GBGT1: variants seen among roughly 807,000 people sequenced by gnomAD.
GBGT1 encodes globoside alpha-1,3-N-acetylgalactosaminyltransferase 1 (FORS blood group).
Under a neutral mutation model 20.9 loss-of-function variants are expected in GBGT1, and 18 were observed. The observed-to-expected ratio is 0.86, with a 90% CI of 0.60 to 1.28. The LOEUF is 1.28. GBGT1 is among the 50% of genes most tolerant of loss of function. GBGT1 has a pLI of 0.00. For missense variants in GBGT1, 432 were observed against 455.7 expected (o/e 0.95, Z 0.47); for synonymous variants, 168 against 180.8 (o/e 0.93, Z 0.57).
intron 5 of GBGT1, 81 bp from the exon 6 acceptor site, chr9:133,155,393 T>C (rs780079665): frequency 1.3e-6 from 2 of 1,556,934 alleles, no homozygotes; most frequent in East Asian, 4.6e-5. Flanking sequence ...TCTCACACTG[T>C]GTGACCCGGG....
Position 133,161,036 on chromosome 9 carries a change from G to A in GBGT1, c.137+431C>T, listed in dbSNP as rs111245773. 5.4e-3 allele frequency: 2,119 copies of A among 391,212 alleles called. 15 individuals are homozygous for A. The highest frequency in any genetic ancestry group is 0.02 in the Middle Eastern group (31 of 1,544). 24.2% of individuals were successfully genotyped at this position (391,212 alleles called of 1,614,324 possible). ...AGAAAAAAAAAAAAAAGACTCCTTA[G>A]TTGAGGAGGACTTTGGTCACATGTT... is the stretch of plus-strand genomic sequence containing the variant. On this transcript the variant is annotated intron_variant, in intron 3 of 6. Coordinates refer to ENST00000372040, the MANE Select transcript of GBGT1 (RefSeq NM_021996.6).
At position 133,154,967 on chromosome 9, in the gene GBGT1, C is replaced by G. The variant is rs1832825831; in HGVS notation, c.359+211G>C. The G allele has an allele frequency of 1.8e-6, 1 of 541,726 alleles. No individual in the cohort carries two copies. Among genetic ancestry groups the G allele is most frequent in the Non-Finnish European group, 3.3e-6 (1 of 304,318 alleles). 33.6% of individuals were successfully genotyped at this position (541,726 alleles called of 1,614,324 possible). The stretch of plus-strand genomic sequence containing the variant: ...CTGTCCCCTCACCTGGACTCTGCAT[C>G]CTGTCTATGCTAGAGCCAGATCCCC... On this transcript the variant is annotated intron_variant, in intron 6 of 6. Transcript: ENST00000372040. The surrounding 1 kb of genome is among the most constrained non-coding windows in gnomAD (Gnocchi z 4.2).
At position 133,154,181 on chromosome 9, in the gene GBGT1, A is replaced by G. The variant is rs1383298253; in HGVS notation, c.440T>C (p.Phe147Ser). 4 of 1,588,372 alleles carry G rather than the reference A, an allele frequency of 2.5e-6. No homozygotes were observed. The highest frequency in any genetic ancestry group is 1.3e-5 in the African/African-American group (1 of 74,482). The change falls in exon 7 of 7, where the codon TTC (phenylalanine) becomes TCC (serine). Residue 147 changes from phenylalanine (F) to serine (S), a missense_variant. Coordinates refer to ENST00000372040, the MANE Select transcript of GBGT1 (RefSeq NM_021996.6). The surrounding 1 kb of genome is among the most constrained non-coding windows in gnomAD (Gnocchi z 4.2). ...GGGAACGGCTGCAGGGTTGTCAGTG[A>G]AGATGTAGTAGTGCACCCGGTACCC... is the stretch of plus-strand genomic sequence containing the variant. ...MRGYRVHYYI[F>S]TDNPAAVPGV... is the part of the protein sequence containing the mutation.
chr9:133,160,101 C>A, intron 3 of GBGT1: 1 of 301,802 alleles, frequency 3.3e-6, no homozygotes, highest in Admixed American at 3.5e-5. Context: ...ACCAACCTGG[C>A]CAACATGATG....
chr9:133,156,293 G>A (rs920309708), intron 3 of GBGT1, among the ~76,000 whole-genome samples: 13 of 152,166 alleles, frequency 8.5e-5, no homozygotes, highest in Non-Finnish European at 1.6e-4. Flanking sequence ...GCAGTGATTC[G>A]AACCCAGTGC....
rs1832837716 is a variant in GBGT1, at chr9:133,155,268, AC to A, written c.268del (p.Val90SerfsTer18). 6.2e-7 allele frequency: 1 copy of A among 1,613,748 alleles called. No homozygotes were observed. ...CTCTGGGTTGAAGGTTCCCTCGGAG[AC>A]GATGGGCGCCAACCAGGGTGTGAGT... Reference protein sequence around the residue: ...LTLTPWLAPIVSEGTFNPELL... With the variant: ...LTLTPWLAPIXSEGTFNPELL... On this transcript the variant is annotated frameshift_variant, in exon 6 of 7. Coordinates refer to ENST00000372040, the MANE Select transcript of GBGT1 (RefSeq NM_021996.6). LOFTEE classifies it high-confidence loss of function.
intron 3 of GBGT1, 112 bp downstream of exon 3, chr9:133,161,355 T>C (rs1833036270): frequency 1.6e-6 from 1 of 620,156 alleles, no homozygotes; most frequent in East Asian, 2.8e-5. Flanking sequence ...ATCAGAAACA[T>C]GAACTTAGGA....
chr9:133,159,533 C>T (rs1442709692), intron 3 of GBGT1, among the ~76,000 whole-genome samples: 1 of 152,236 alleles, frequency 6.6e-6, no homozygotes. Flanking sequence ...TGTGGTGGCT[C>T]ATGCCCGCAA....
intron 3 of GBGT1, among the ~76,000 whole-genome samples, chr9:133,157,972 C>A (rs1393638235): frequency 3.3e-5 from 5 of 152,088 alleles, no homozygotes; most frequent in Non-Finnish European, 7.3e-5. Flanking sequence ...TGGTGAAACC[C>A]CATTTCTACT....
rs1358066023 is a variant in GBGT1 at position 133,154,218 on chromosome 9, A to G, written c.403T>C (p.Phe135Leu). The change falls in exon 7 of 7, where the codon TTC becomes CTC. Residue 135 changes from phenylalanine (F) to leucine (L), a missense_variant. Transcript: ENST00000372040. The surrounding 1 kb of genome is among the most constrained non-coding windows in gnomAD (Gnocchi z 4.2). ...TGCACCCGGTACCCACGCATGAAGA[A>G]CTCCTCGGCTGACTCCAGGAAGGAC... ...IQSFLESAEE[F>L]FMRGYRVHYY... The G allele has an allele frequency of 8.4e-6, 13 of 1,542,348 alleles. No individual in the cohort carries two copies. The highest frequency in any genetic ancestry group is 3.5e-4 in the Middle Eastern group (2 of 5,714).
At position 133,155,401 on chromosome 9, in the gene GBGT1, G is replaced by A. The variant is rs895676939; in HGVS notation, c.225-89C>T. On this transcript the variant is annotated intron_variant, in intron 5 of 6. Transcript: ENST00000372040. ...CCCTGGCTCTCACACTGTGTGACCC[G>A]GGGCAGCTTCGTCCCCATCTCTGGG... 49 of 1,507,672 alleles carry A rather than the reference G, an allele frequency of 3.3e-5. No individual in the cohort carries two copies. In the Middle Eastern group the frequency reaches 6.6e-4, roughly 20 times the overall value. The allele number at this position is 1,507,672 out of a possible 1,614,324, so 93.4% of individuals were successfully genotyped here.
Position 133,162,406 on chromosome 9 carries a change from G to T in GBGT1, c.7C>A (p.Arg3Ser), listed in dbSNP as rs140076798. The change falls in exon 2 of 7, where the codon CGC (arginine) becomes AGC (serine). Residue 3 changes from arginine to serine, a missense_variant. By Grantham distance (110) the Arg-to-Ser change is moderately radical. Coordinates refer to ENST00000372040, the MANE Select transcript of GBGT1 (RefSeq NM_021996.6). MHRRRLALGLGFC... is the reference protein window; with the variant it reads MHSRRLALGLGFC... ...CCCAGACCCAGGGCCAGTCTCCGGC[G>T]ATGCATTGCTGGGGGCTGCACCTGA... is the stretch of plus-strand genomic sequence containing the variant. The T allele has an allele frequency of 1.9e-4, 298 of 1,605,754 alleles. No individual in the cohort carries two copies. Among genetic ancestry groups the T allele is most frequent in the Admixed American group, 3.6e-4 (21 of 58,816 alleles).
In GBGT1 at chr9:133,161,504, A is replaced by G. The variant is rs1833040840; in HGVS notation, c.100T>C (p.Ser34Pro). The part of the protein sequence containing the change: ...WVYLENWLPV[S>P]YVPYYLPCPE... ...CAGGGGAGATAATAGGGGACATAGG[A>G]GACTGGCAGCCAGTTCTCAAGATAC... The change falls in exon 3 of 7, where the codon TCC becomes CCC. Residue 34 changes from serine to proline, a missense_variant. Coordinates refer to ENST00000372040, the MANE Select transcript of GBGT1 (RefSeq NM_021996.6). The G allele has an allele frequency of 6.2e-7, 1 of 1,611,126 alleles. No individual in the cohort carries two copies. The highest frequency in any genetic ancestry group is 1.3e-5 in the African/African-American group (1 of 74,810).
intron 3 of GBGT1, among the ~76,000 whole-genome samples, chr9:133,159,366 C>G (rs1404870714): frequency 6.6e-6 from 1 of 152,212 alleles, no homozygotes; most frequent in Non-Finnish European, 1.5e-5. Flanking sequence ...GCTCAGAAAG[C>G]CCTGGGATTC....
At position 133,154,286 on chromosome 9, in the gene GBGT1, A is replaced by T; in HGVS notation, c.360-25T>A. On this transcript the variant is annotated intron_variant, in intron 6 of 6. Transcript: ENST00000372040. The surrounding 1 kb of genome is among the most constrained non-coding windows in gnomAD (Gnocchi z 4.2). ...CCTAGTGATGATCACCCGGTCACCC[A>T]CTGCTACACCAGCAGCCTGCCAGGG... 7.0e-7 allele frequency: 1 copy of T among 1,430,038 alleles called. No individual in the cohort carries two copies. The highest frequency in any genetic ancestry group is 9.4e-7 in the Non-Finnish European group (1 of 1,060,556). The allele number at this position is 1,430,038 out of a possible 1,614,324, so 88.6% of individuals were successfully genotyped here.
chr9:133,156,472 C>T (rs968177082), intron 3 of GBGT1, among the ~76,000 whole-genome samples: 6 of 151,968 alleles, frequency 3.9e-5, no homozygotes, highest in African/African-American at 1.5e-4. Context: ...CCAGCCTGGC[C>T]AAGATGGTGA....
rs1250574280 is a variant in GBGT1 at position 133,154,165 on chromosome 9, T to A, written c.456A>T (p.Ala152=). The change falls in exon 7 of 7, where the codon GCA becomes GCT. Residue 152 remains alanine (A), a synonymous_variant. Coordinates refer to ENST00000372040, the MANE Select transcript of GBGT1 (RefSeq NM_021996.6). The surrounding 1 kb of genome is among the most constrained non-coding windows in gnomAD (Gnocchi z 4.2). ...VHYYIFTDNP[A]AVPGVPLGPH... is the part of the protein sequence containing the mutation. ...GACCCAGCGGGACCCCGGGAACGGC[T>A]GCAGGGTTGTCAGTGAAGATGTAGT... The A allele has an allele frequency of 6.3e-7, 1 of 1,594,172 alleles. No homozygotes were observed. Among genetic ancestry groups the A allele is most frequent in the Non-Finnish European group, 8.6e-7 (1 of 1,165,346 alleles).
chr9:133,158,413 A>G (rs931613023), intron 3 of GBGT1, among the ~76,000 whole-genome samples: 16 of 152,190 alleles, frequency 1.1e-4, no homozygotes, highest in African/African-American at 3.9e-4. Flanking sequence ...TGAGGAGCTG[A>G]GACCACAGGT....
At chr9:133,160,098 TG>T in intron 3 of GBGT1, 1 of 291,952 alleles carries the variant, frequency 3.4e-6, no homozygotes, top group South Asian at 2.6e-5. Flanking sequence ...AAGACCAACC[TG>T]GCCAACATGA....
Sources: allele counts gnomAD v4.1 joint callset (sites outside exome capture counted in the v4.1 genomes callset), GRCh38; gene constraint gnomAD v4.1.1; non-coding constraint Gnocchi (gnomAD v3.1); transcripts MANE v1.5; gene names NCBI Gene and HGNC (gene_info 2026-07-23, HGNC 2026-07-21).